The following CHEK2 variants were observed in gnomAD, a reference collection of about 807,000 sequenced individuals.
The protein encoded by CHEK2 is serine/threonine-protein kinase Chk2.
In CHEK2, 71 loss-of-function variants were observed where a neutral mutation model predicts 69.1. That is an observed-to-expected ratio of 1.03 (90% confidence interval 0.85 to 1.25). The LOEUF is 1.25. CHEK2 is among the 50% of genes most tolerant of loss of function. The pLI is 0.00. For synonymous variants in CHEK2, 189 were observed against 226.9 expected, an observed-to-expected ratio of 0.83 and a Z score of 1.50; for missense variants, 664 against 649.6, an observed-to-expected ratio of 1.02 and a Z score of -0.24.
chr22:28,699,893 C>A lies in CHEK2; in HGVS notation c.953G>T (p.Arg318Leu), dbSNP rs143611747. 7.4e-6 allele frequency: 12 copies of A among 1,614,052 alleles called. No homozygotes were observed. Among genetic ancestry groups the A allele is most frequent in the South Asian group, 1.1e-5 (1 of 91,072 alleles). ...GAGCTTGCAGGTAGCTTCTTTCAGG[C>A]GTTTATTCCCCACCACTTTGTCAAA... ...ELFDKVVGNKRLKEATCKLYF... is the reference protein window; with the variant it reads ...ELFDKVVGNKLLKEATCKLYF... Residue 318 changes from arginine to leucine, a missense_variant, in exon 9 of 15, where the codon CGC (arginine) becomes CTC (leucine). Arg to Leu is a moderately radical substitution (Grantham distance 102). Coordinates refer to ENST00000404276, the MANE Select transcript of CHEK2 (RefSeq NM_007194.4).
chr22:28,712,908 C>G (rs921753233), intron 5 of CHEK2, among the ~76,000 whole-genome samples: 8 of 152,114 alleles, frequency 5.3e-5, no homozygotes, highest in Non-Finnish European at 1.2e-4. Flanking sequence ...GCATCTAATT[C>G]CAGAACTTTC....
rs779383555 is a variant in CHEK2, at chr22:28,695,177, C to T, written c.1325G>A (p.Ser442Asn). ...TQVSLKDQIT[S>N]GKYNFIPEVW... Reference sequence around the variant, plus strand: ...TTCAGGAATGAAGTTGTATTTTCCACTGGTGATCTGATCCTTCAGTGACAC... The same window carrying T: ...TTCAGGAATGAAGTTGTATTTTCCATTGGTGATCTGATCCTTCAGTGACAC... Residue 442 changes from serine to asparagine, a missense_variant, in exon 12 of 15, where the codon AGT becomes AAT. Ser to Asn is a conservative substitution (Grantham distance 46). Transcript: ENST00000404276. 2 of 1,613,450 alleles carry T rather than the reference C, an allele frequency of 1.2e-6. No individual in the cohort carries two copies. The highest frequency in any genetic ancestry group is 2.2e-5 in the East Asian group (1 of 44,876).
chr22:28,735,555 T>A (rs886753731), intron 1 of CHEK2, among the ~76,000 whole-genome samples: 2 of 152,158 alleles, frequency 1.3e-5, no homozygotes, highest in Non-Finnish European at 2.9e-5. Flanking sequence ...AGTATTCAAG[T>A]AATTACATGA....
intron 1 of CHEK2, among the ~76,000 whole-genome samples, chr22:28,735,961 C>A (rs1020988396): frequency 6.6e-6 from 1 of 151,724 alleles, no homozygotes; most frequent in Admixed American, 6.6e-5. Context: ...CAACTGTAAA[C>A]CCAATATTTC....
At position 28,699,934 on chromosome 22, in the gene CHEK2, C is replaced by T. The variant is rs1156943614; in HGVS notation, c.912G>A (p.Met304Ile). ...CTTTGTCAAACAGCTCTCCCCCTTC[C>T]ATCCTGAAACACAAAGGCAAGGCAA... The part of the protein sequence containing the change: ...AEDYYIVLEL[M>I]EGGELFDKVV... The change falls in exon 9 of 15, where the codon ATG becomes ATA. Residue 304 changes from methionine to isoleucine, a missense_variant. Transcript: ENST00000404276. 6.2e-7 allele frequency: 1 copy of T among 1,612,314 alleles called. No individual in the cohort carries two copies. The highest frequency in any genetic ancestry group is 1.3e-5 in the African/African-American group (1 of 74,856).
intron 2 of CHEK2, among the ~76,000 whole-genome samples, 181 bp downstream of exon 2, chr22:28,734,222 T>C (rs1359488747): frequency 1.3e-5 from 2 of 152,208 alleles, no homozygotes; most frequent in East Asian, 3.9e-4. Context: ...TACTTTAGCT[T>C]CTATTGCCTT....
At chr22:28,740,761 A>G (rs959876213) in intron 1 of CHEK2, among the ~76,000 whole-genome samples, 11 of 152,208 alleles carry the variant, frequency 7.2e-5, no homozygotes, top group African/African-American at 2.7e-4. Context: ...ACAAATGTGC[A>G]TGGACCTGGT....
At chr22:28,695,924 A>C in intron 10 of CHEK2, 51 bp from the exon 11 acceptor site, 1 of 1,438,530 alleles carries the variant, frequency 7.0e-7, no homozygotes. Context: ...TAAAATAAAA[A>C]GATTAACATA....
At chr22:28,735,442 C>A (rs1421964465) in intron 1 of CHEK2, among the ~76,000 whole-genome samples, 2 of 151,854 alleles carry the variant, frequency 1.3e-5, no homozygotes, top group Non-Finnish European at 2.9e-5. Flanking sequence ...CTCAATTTAA[C>A]AATGCTTCTA....
At chr22:28,699,975 G>C in intron 8 of CHEK2, 38 bp from the exon 9 acceptor site, 2 of 1,401,716 alleles carry the variant, frequency 1.4e-6, no homozygotes, top group Non-Finnish European at 2.0e-6. Context: ...TCATTCCTGG[G>C]GGAAAACGCA....
At chr22:28,715,863 CTTT>C (rs112857088) in intron 5 of CHEK2, among the ~76,000 whole-genome samples, 2 of 143,310 alleles carry the variant, frequency 1.4e-5, no homozygotes, top group Admixed American at 7.0e-5. Context: ...ATTTCTTCTT[CTTT>C]TTTTTTTTTT....
Position 28,703,708 on chromosome 22 carries a change from T to C in CHEK2, c.847-142A>G, listed in dbSNP as rs1601753822. The C allele has an allele frequency of 9.2e-6, 6 of 653,676 alleles. No individual in the cohort carries two copies. In the East Asian group the frequency reaches 1.6e-4, roughly 18 times the overall value. 40.5% of individuals were successfully genotyped at this position (653,676 alleles called of 1,614,324 possible). On this transcript the variant is annotated intron_variant, in intron 7 of 14. Transcript: ENST00000404276. ...CTGCCTCAGAGGCTTGGAAGTTCAA[T>C]CAGGGGAGAAGGCAGACAGAATCTA... is the stretch of plus-strand genomic sequence containing the variant.
intron 1 of CHEK2, among the ~76,000 whole-genome samples, chr22:28,738,676 A>G (rs923110511): frequency 2.6e-5 from 4 of 152,134 alleles, no homozygotes; most frequent in Non-Finnish European, 5.9e-5. Flanking sequence ...AAAACCTATA[A>G]AACTACTAGA....
chr22:28,732,777 T>C (rs2054257378), intron 2 of CHEK2, among the ~76,000 whole-genome samples: 1 of 152,156 alleles, frequency 6.6e-6, no homozygotes, highest in Non-Finnish European at 1.5e-5. Context: ...AAGTTCAAAT[T>C]TGTTTATTAA....
chr22:28,695,097 C>G, intron 12 of CHEK2, 30 bp downstream of exon 12: 1 of 1,402,812 alleles, frequency 7.1e-7, no homozygotes, highest in South Asian at 1.2e-5. Flanking sequence ...TTTAGCATAC[C>G]ACAAATTCTT....
chr22:28,724,953 G>A (rs2053934246), intron 4 of CHEK2, 24 bp downstream of exon 4: 1 of 1,612,720 alleles, frequency 6.2e-7, no homozygotes, highest in Non-Finnish European at 8.5e-7. Flanking sequence ...AAAAATTCCA[G>A]TAACCATAAG....
chr22:28,728,254 A>G (rs1236808426), intron 2 of CHEK2: 1 of 152,258 alleles, frequency 6.6e-6, no homozygotes, highest in Non-Finnish European at 1.5e-5. Context: ...AATGAGAGAG[A>G]TAATTACTAC....
At chr22:28,689,007 T>C in intron 14 of CHEK2, 128 bp downstream of exon 14, 1 of 681,540 alleles carries the variant, frequency 1.5e-6, no homozygotes, top group Non-Finnish European at 2.6e-6. Flanking sequence ...TAAAACAGAG[T>C]TTCTACTACA....
intron 6 of CHEK2, 69 bp downstream of exon 6, chr22:28,711,840 T>C (rs1442813748): frequency 1.9e-6 from 2 of 1,054,082 alleles, no homozygotes; most frequent in Non-Finnish European, 3.0e-6. Context: ...AAATCATCAA[T>C]CTAAGATTAT....
Sources: allele counts gnomAD v4.1 joint callset (sites outside exome capture counted in the v4.1 genomes callset), GRCh38; gene constraint gnomAD v4.1.1; transcripts MANE v1.5; gene names NCBI Gene and HGNC (gene_info 2026-07-23, HGNC 2026-07-21).